Variants in PTPRT observed in about 807,000 individuals in gnomAD.
PTPRT encodes protein tyrosine phosphatase receptor type T.
Under a neutral mutation model 176.8 loss-of-function variants are expected in PTPRT, and 56 were observed. The ratio of observed to expected loss-of-function variants is 0.32; its 90% CI spans 0.26 to 0.40. The LOEUF is 0.40. Among genes scored for constraint, PTPRT ranks in the 10% least tolerant of loss-of-function variants. The probability of loss-of-function intolerance (pLI) is 1.00; values close to 1 mark genes in which losing one functional copy is unlikely to be tolerated. For synonymous variants in PTPRT, 783 were observed against 739.0 expected, an observed-to-expected ratio of 1.06 and a Z score of -0.96; for missense variants, 1,540 against 1,908.2, an observed-to-expected ratio of 0.81 and a Z score of 3.60.
At chr20:43,183,870 C>T (rs7353902) in intron 1 of PTPRT, among the ~76,000 whole-genome samples, 2 of 152,212 alleles carry the variant, frequency 1.3e-5, no homozygotes, top group Admixed American at 6.5e-5. Flanking sequence ...CAGTTCATTC[C>T]TTTTTATTCC....
intron 9 of PTPRT, among the ~76,000 whole-genome samples, chr20:42,381,368 GCTTT>G (rs2058697066): frequency 6.6e-6 from 1 of 152,102 alleles, no homozygotes; most frequent in Non-Finnish European, 1.5e-5. Context: ...CCAATTTGCC[GCTTT>G]CTATTTTCCC....
At chr20:42,270,566 G>A in intron 13 of PTPRT, 1 of 819,170 alleles carries the variant, frequency 1.2e-6, no homozygotes, top group Non-Finnish European at 2.0e-6. Flanking sequence ...TGGCTCTGAA[G>A]AGCTCACACT....
intron 1 of PTPRT, among the ~76,000 whole-genome samples, chr20:43,073,549 G>GT (rs1211378283): frequency 6.6e-6 from 1 of 151,132 alleles, no homozygotes; most frequent in Non-Finnish European, 1.5e-5. Flanking sequence ...TAGCACATGT[G>GT]TTTTTTATAT....
At chr20:42,570,973 C>T (rs2073143711) in intron 7 of PTPRT, among the ~76,000 whole-genome samples, 1 of 152,058 alleles carries the variant, frequency 6.6e-6, no homozygotes, top group African/African-American at 2.4e-5. Context: ...GTGGGTTATT[C>T]TGCCCACCCT....
chr20:43,091,363 GACTGGATGT>G (rs2011844899), intron 1 of PTPRT, among the ~76,000 whole-genome samples: 1 of 151,952 alleles, frequency 6.6e-6, no homozygotes, highest in Non-Finnish European at 1.5e-5. Context: ...GTTAGAAGAC[GACTGGATGT>G]ACTTTGAAAT....
At chr20:42,522,514 G>C (rs925215990) in intron 7 of PTPRT, among the ~76,000 whole-genome samples, 1 of 152,092 alleles carries the variant, frequency 6.6e-6, no homozygotes, top group Non-Finnish European at 1.5e-5. Context: ...AGGCTGGAGA[G>C]CAGTGGTGCG....
intron 7 of PTPRT, among the ~76,000 whole-genome samples, chr20:42,563,502 G>A (rs531281849): frequency 1.4e-3 from 217 of 152,222 alleles, no homozygotes; most frequent in Admixed American, 4.1e-3. Context: ...TTTCTAGGAA[G>A]ATGTCCCAAG....
chr20:43,066,149 A>C (rs1019604655), intron 1 of PTPRT, among the ~76,000 whole-genome samples: 1 of 152,154 alleles, frequency 6.6e-6, no homozygotes, highest in African/African-American at 2.4e-5. Flanking sequence ...AAATTTACAT[A>C]AACTATACAC....
At chr20:42,657,093 G>T (rs1161356604) in intron 7 of PTPRT, among the ~76,000 whole-genome samples, 1 of 152,136 alleles carries the variant, frequency 6.6e-6, no homozygotes, top group African/African-American at 2.4e-5. Context: ...GATTTCTCAT[G>T]AGATCTGATG....
intron 1 of PTPRT, among the ~76,000 whole-genome samples, chr20:43,155,052 T>C (rs2014478745): frequency 6.6e-6 from 1 of 151,988 alleles, no homozygotes; most frequent in Non-Finnish European, 1.5e-5. Flanking sequence ...GAAAGAGAAG[T>C]GTTAGAGAGG....
At chr20:42,885,035 G>T (rs1374359143) in intron 2 of PTPRT, among the ~76,000 whole-genome samples, 1 of 151,712 alleles carries the variant, frequency 6.6e-6, no homozygotes, top group African/African-American at 2.4e-5. Flanking sequence ...CCCCATGCAG[G>T]TATCCATCAA....
chr20:42,551,990 A>G (rs1343521376), intron 7 of PTPRT, among the ~76,000 whole-genome samples: 1 of 152,092 alleles, frequency 6.6e-6, no homozygotes, highest in Non-Finnish European at 1.5e-5. Context: ...TTATGTTACC[A>G]TCAGTCTATA....
intron 9 of PTPRT, among the ~76,000 whole-genome samples, chr20:42,352,868 A>T (rs1026461162): frequency 1.3e-5 from 2 of 152,262 alleles, no homozygotes; most frequent in South Asian, 2.1e-4. Flanking sequence ...CCCACAAAAA[A>T]TTTTTAAAAA....
chr20:42,192,691 G>A (rs1329567909), intron 16 of PTPRT, among the ~76,000 whole-genome samples: 1 of 152,186 alleles, frequency 6.6e-6, no homozygotes, highest in Non-Finnish European at 1.5e-5. Context: ...ACAAAGTCCT[G>A]TAACAAAGGT....
chr20:42,225,691 C>T (rs954052496), intron 15 of PTPRT, among the ~76,000 whole-genome samples: 1 of 152,150 alleles, frequency 6.6e-6, no homozygotes, highest in Non-Finnish European at 1.5e-5. Context: ...CACTCTTTGT[C>T]GCCCAGGCTG....
At chr20:43,008,461 G>C (rs898451486) in intron 1 of PTPRT, among the ~76,000 whole-genome samples, 1 of 152,108 alleles carries the variant, frequency 6.6e-6, no homozygotes, top group Non-Finnish European at 1.5e-5. Flanking sequence ...GCCAAGGAGG[G>C]CCTTGCCTGA....
At chr20:42,662,015 G>T (rs568413319) in intron 7 of PTPRT, among the ~76,000 whole-genome samples, 1 of 152,168 alleles carries the variant, frequency 6.6e-6, no homozygotes, top group Admixed American at 6.5e-5. Flanking sequence ...AGTGAGCTTT[G>T]TGAACACAGC....
At chr20:42,910,624 G>A (rs1204079732) in intron 1 of PTPRT, among the ~76,000 whole-genome samples, 1 of 152,118 alleles carries the variant, frequency 6.6e-6, no homozygotes, top group East Asian at 1.9e-4. Flanking sequence ...GCCATACATT[G>A]CTGTGAGCCT....
chr20:42,701,871 C>A (rs1329083856), intron 6 of PTPRT, among the ~76,000 whole-genome samples: 1 of 152,166 alleles, frequency 6.6e-6, no homozygotes, highest in Non-Finnish European at 1.5e-5. Flanking sequence ...TACTGTGGAA[C>A]AGCTAGATCT....
Sources: allele counts gnomAD v4.1 joint callset (sites outside exome capture counted in the v4.1 genomes callset), GRCh38; gene constraint gnomAD v4.1.1; transcripts MANE v1.5; gene names NCBI Gene and HGNC (gene_info 2026-07-23, HGNC 2026-07-21).